The following RNF150 variants were observed in gnomAD, a reference collection of about 807,000 sequenced individuals.
The protein encoded by RNF150 is ring finger protein 150.
Under a neutral mutation model 39.3 loss-of-function variants are expected in RNF150, and 24 were observed. That is an observed-to-expected ratio of 0.61 (90% CI 0.44 to 0.86). The LOEUF is 0.86. Ranked by LOEUF, RNF150 falls within the 40% of genes least tolerant of loss-of-function variation. RNF150 has a pLI of 0.00. For synonymous variants in RNF150, 255 were observed against 227.3 expected (o/e 1.12, Z -1.10); for missense variants, 502 against 587.8 (o/e 0.85, Z 1.51).
chr4:140,999,983 G>GA (rs1232600026), intron 1 of RNF150, among the ~76,000 whole-genome samples: 2 of 37,778 alleles, frequency 5.3e-5, no homozygotes, highest in Non-Finnish European at 1.2e-4. Flanking sequence ...AAGAAAAGAA[G>GA]AAAAGAAGAA....
chr4:141,024,877 C>T (rs1432770768), intron 1 of RNF150, among the ~76,000 whole-genome samples: 1 of 152,092 alleles, frequency 6.6e-6, no homozygotes, highest in Non-Finnish European at 1.5e-5. Context: ...GTAACAGTTA[C>T]AAGAATCTCT....
chr4:141,087,054 T>C (rs1007051276), intron 1 of RNF150, among the ~76,000 whole-genome samples: 1 of 152,172 alleles, frequency 6.6e-6, no homozygotes, highest in African/African-American at 2.4e-5. Flanking sequence ...ACATGTGTCA[T>C]GGGGGTTTGT....
intron 1 of RNF150, among the ~76,000 whole-genome samples, chr4:141,179,099 T>TTAAGA (rs1196254206): frequency 6.6e-6 from 1 of 152,176 alleles, no homozygotes; most frequent in African/African-American, 2.4e-5. Flanking sequence ...TTATTATATA[T>TTAAGA]TAAGATCTCG....
intron 1 of RNF150, among the ~76,000 whole-genome samples, chr4:140,968,846 T>C (rs1458248883): frequency 4.0e-5 from 6 of 151,544 alleles, no homozygotes; most frequent in Admixed American, 1.3e-4. Context: ...ATATTAATAT[T>C]AATTAATATT....
At chr4:141,068,575 G>GT (rs1307528899) in intron 1 of RNF150, among the ~76,000 whole-genome samples, 5 of 151,934 alleles carry the variant, frequency 3.3e-5, no homozygotes, top group African/African-American at 7.2e-5. Context: ...CTTTAAAGTA[G>GT]TTTTTTCCAA....
intron 6 of RNF150, among the ~76,000 whole-genome samples, chr4:140,899,992 G>GTA (rs1320482689): frequency 3.1e-5 from 4 of 129,814 alleles, no homozygotes; most frequent in Admixed American, 8.1e-5. Flanking sequence ...GTGTGTGTGT[G>GTA]TGTGTGTGTG....
Position 141,146,479 on chromosome 4 carries a change from T to C in RNF150, c.-6+66315A>G, listed in dbSNP as rs1727202519. 3.3e-5 allele frequency among the ~76,000 whole-genome samples: 5 copies of C among 152,324 alleles called. No homozygotes were observed. In the South Asian group the frequency reaches 1.0e-3, roughly 32 times the overall value. On this transcript the variant is annotated intron_variant, in intron 1 of 7. Coordinates refer to the RNF150 transcript ENST00000420921. The stretch of plus-strand genomic sequence containing the variant: ...ATGATCCCATAACATGAGCCAACTA[T>C]TCTTAAAGCATAGGTTGGGCCATCT...
chr4:140,973,331 A>C (rs944345961), intron 1 of RNF150, among the ~76,000 whole-genome samples: 2 of 152,130 alleles, frequency 1.3e-5, no homozygotes, highest in Admixed American at 1.3e-4. Context: ...CAATGTCACC[A>C]TGTCTGTTTA....
At chr4:140,869,767 G>C (rs946500754) in intron 6 of RNF150, among the ~76,000 whole-genome samples, 1 of 152,200 alleles carries the variant, frequency 6.6e-6, no homozygotes, top group Non-Finnish European at 1.5e-5. Context: ...AGCATGTACA[G>C]GTGGCTGGAG....
At chr4:140,963,775 G>T (rs1202951425) in intron 2 of RNF150, among the ~76,000 whole-genome samples, 1 of 151,872 alleles carries the variant, frequency 6.6e-6, no homozygotes, top group Non-Finnish European at 1.5e-5. Context: ...TATTTTAATA[G>T]ATCTAAAGAG....
At chr4:141,169,770 T>C (rs1466996062) in intron 1 of RNF150, among the ~76,000 whole-genome samples, 2 of 152,138 alleles carry the variant, frequency 1.3e-5, no homozygotes, top group African/African-American at 4.8e-5. Flanking sequence ...GCCATTCTTT[T>C]TTTTTTACAT....
At chr4:141,072,776 T>C (rs1737755447) in intron 1 of RNF150, among the ~76,000 whole-genome samples, 1 of 152,188 alleles carries the variant, frequency 6.6e-6, no homozygotes, top group Non-Finnish European at 1.5e-5. Flanking sequence ...TGCACCACTA[T>C]AATTTATTAA....
intron 1 of RNF150, chr4:140,996,906 A>G (rs1429320554): frequency 6.6e-6 from 1 of 152,236 alleles, no homozygotes; most frequent in Non-Finnish European, 1.5e-5. Flanking sequence ...TGAGGCAGAA[A>G]GGAACTAGGA....
At chr4:141,073,829 G>A (rs1276592987) in intron 1 of RNF150, among the ~76,000 whole-genome samples, 2 of 152,120 alleles carry the variant, frequency 1.3e-5, no homozygotes, top group Non-Finnish European at 1.5e-5. Context: ...TAAAACGCAA[G>A]GGATAAAGAT....
chr4:141,192,565 T>C (rs1474207423), intron 1 of RNF150, among the ~76,000 whole-genome samples: 2 of 152,128 alleles, frequency 1.3e-5, no homozygotes, highest in Non-Finnish European at 2.9e-5. Flanking sequence ...AAGGTCTATC[T>C]GAGACACAAC....
chr4:141,204,988 G>A (rs1026259419), intron 1 of RNF150, among the ~76,000 whole-genome samples: 3 of 152,086 alleles, frequency 2.0e-5, no homozygotes, highest in African/African-American at 4.8e-5. Flanking sequence ...GTCTTTTTCT[G>A]AGCATAGTTA....
At chr4:141,120,765 C>T (rs1219018650) in intron 1 of RNF150, among the ~76,000 whole-genome samples, 3 of 152,136 alleles carry the variant, frequency 2.0e-5, no homozygotes, top group African/African-American at 2.4e-5. Flanking sequence ...AGAGGCCAAA[C>T]CACGGAAGAG....
chr4:141,040,160 A>G (rs985073668), intron 1 of RNF150, among the ~76,000 whole-genome samples: 10 of 108,108 alleles, frequency 9.3e-5, no homozygotes, highest in African/African-American at 2.9e-4. Flanking sequence ...GGGTGCTGGT[A>G]ACACAACCAC....
In RNF150 at chr4:141,051,885, A is replaced by G. The variant is rs1411812034; in HGVS notation, c.484+80440T>C. Among the ~76,000 whole-genome samples the G allele has an allele frequency of 2.0e-5, 3 of 152,276 alleles. No homozygotes were observed. In the East Asian group the frequency reaches 5.8e-4, roughly 29 times the overall value. On this transcript the variant is annotated intron_variant, in intron 1 of 6. Transcript: ENST00000515673. ...AGTCCCAGTCACAATTTATGGTATTAGTCCATTTTCATGCTGCTGATAAAG... is the reference window on the plus strand; with the variant it reads ...AGTCCCAGTCACAATTTATGGTATTGGTCCATTTTCATGCTGCTGATAAAG...
Sources: gnomAD v4.1 joint callset for allele counts (sites outside exome capture counted in the v4.1 genomes callset) on GRCh38, gnomAD v4.1.1 for gene constraint, MANE v1.5 for transcripts, NCBI Gene and HGNC (gene_info 2026-07-23, HGNC 2026-07-21) for gene names.